TMEM273: variants seen among roughly 807,000 people sequenced by gnomAD.
The protein encoded by TMEM273 is chromosome 10 open reading frame 128.
A neutral mutation model predicts 17.9 loss-of-function variants in TMEM273; 19 were observed. That is an observed-to-expected ratio of 1.06 (90% CI 0.74 to 1.55). TMEM273 has a LOEUF of 1.55. TMEM273 is among the 40% of genes most tolerant of loss of function. TMEM273 has a pLI of 0.00. For synonymous variants in TMEM273, 66 were observed against 62.0 expected, an observed-to-expected ratio of 1.07 and a Z score of -0.31; for missense variants, 194 against 155.6, an observed-to-expected ratio of 1.25 and a Z score of -1.31.
At chr10:49,161,420 C>T in intron 6 of TMEM273, 179 bp downstream of exon 6, 1 of 704,908 alleles carries the variant, frequency 1.4e-6, no homozygotes, top group South Asian at 1.7e-5. Context: ...CATCATGTCC[C>T]AAGGTGATGC....
intron 6 of TMEM273, chr10:49,161,236 G>C (rs1845821125): frequency 3.6e-6 from 1 of 278,924 alleles, no homozygotes; most frequent in African/African-American, 2.2e-5. Context: ...GACATGAAGA[G>C]ATGTTTGGGA....
At chr10:49,172,250 T>C (rs1405196325) in intron 1 of TMEM273, among the ~76,000 whole-genome samples, 2 of 152,032 alleles carry the variant, frequency 1.3e-5, no homozygotes, top group Non-Finnish European at 2.9e-5. Context: ...CCCCAGTGCC[T>C]AGGAGAAATC....
At chr10:49,159,900 C>T (rs1404564012) in intron 6 of TMEM273, among the ~76,000 whole-genome samples, 1 of 152,074 alleles carries the variant, frequency 6.6e-6, no homozygotes, top group African/African-American at 2.4e-5. Flanking sequence ...CAAGAAGTGA[C>T]TTGCACTAGC....
chr10:49,172,265 A>G (rs1250489513), intron 1 of TMEM273, among the ~76,000 whole-genome samples: 1 of 152,168 alleles, frequency 6.6e-6, no homozygotes, highest in Non-Finnish European at 1.5e-5. Context: ...GAAATCAAAG[A>G]GCAACCAGAG....
At position 49,166,932 on chromosome 10, in the gene TMEM273, T is replaced by A. The variant is rs1276888213; in HGVS notation, c.175A>T (p.Ile59Phe). Reference sequence around the variant, plus strand: ...TCGTCGTCAAATAAGTGCCTCCTGATCATGCAGATCTTCAGGGCCAGGAAG... The same window carrying A: ...TCGTCGTCAAATAAGTGCCTCCTGAACATGCAGATCTTCAGGGCCAGGAAG... Reference protein sequence around the residue: ...AGFLALKICMIRRHLFDDDSS... With the variant: ...AGFLALKICMFRRHLFDDDSS... The change falls in exon 3 of 7, where the codon ATC becomes TTC. Residue 59 changes from isoleucine (I) to phenylalanine (F), a missense_variant. Ile to Phe is a conservative substitution (Grantham distance 21). Transcript: ENST00000374153. The A allele has an allele frequency of 1.2e-6, 2 of 1,614,062 alleles. No homozygotes were observed. Among genetic ancestry groups the A allele is most frequent in the African/African-American group, 1.3e-5 (1 of 74,996 alleles).
chr10:49,173,812 G>A (rs1846749154), intron 1 of TMEM273, among the ~76,000 whole-genome samples: 1 of 152,210 alleles, frequency 6.6e-6, no homozygotes, highest in Non-Finnish European at 1.5e-5. Context: ...TGTAAGTACT[G>A]AGTGGTACGG....
intron 1 of TMEM273, among the ~76,000 whole-genome samples, chr10:49,177,743 G>T (rs1847078973): frequency 6.6e-6 from 1 of 152,214 alleles, no homozygotes. Flanking sequence ...TTTTCTTTAG[G>T]ACTCTAGGGT....
chr10:49,165,897 C>T (rs1346384192), intron 3 of TMEM273, 101 bp from the exon 4 acceptor site: 15 of 1,501,334 alleles, frequency 1.0e-5, no homozygotes, highest in Middle Eastern at 1.8e-4. Context: ...CTCTCACTCA[C>T]GGTTGCCCTC....
At chr10:49,161,720 C>A in intron 5 of TMEM273, 98 bp from the exon 6 acceptor site, 1 of 1,513,398 alleles carries the variant, frequency 6.6e-7, no homozygotes, top group South Asian at 1.1e-5. Context: ...TTGTCATTAG[C>A]TTGCTCTTTT....
chr10:49,182,315 C>T (rs1466022808), intron 1 of TMEM273, among the ~76,000 whole-genome samples: 1 of 151,966 alleles, frequency 6.6e-6, no homozygotes, highest in Non-Finnish European at 1.5e-5. Context: ...GACTCAGACC[C>T]AAGGAATAAA....
intron 1 of TMEM273, among the ~76,000 whole-genome samples, chr10:49,186,469 C>T (rs1044026150): frequency 6.6e-6 from 1 of 152,212 alleles, no homozygotes; most frequent in African/African-American, 2.4e-5. Flanking sequence ...CTTACATTGA[C>T]ACCCAGATTT....
chr10:49,186,855 A>C (rs947129878), intron 1 of TMEM273, among the ~76,000 whole-genome samples: 6 of 152,214 alleles, frequency 3.9e-5, no homozygotes, highest in Admixed American at 1.3e-4. Context: ...CACCTATTGC[A>C]CAGAGTTGCT....
At chr10:49,187,318 T>C (rs1266239602) in intron 1 of TMEM273, among the ~76,000 whole-genome samples, 1 of 152,148 alleles carries the variant, frequency 6.6e-6, no homozygotes, top group Admixed American at 6.5e-5. Flanking sequence ...AAGGCCAAAG[T>C]CTTTGCTCTC....
At chr10:49,168,673 A>AAAGGAAGGAAGGAAGG (rs1239851736) in intron 1 of TMEM273, among the ~76,000 whole-genome samples, 1 of 118,848 alleles carries the variant, frequency 8.4e-6, no homozygotes, top group Non-Finnish European at 1.7e-5. Flanking sequence ...AGGAAGGAAG[A>AAAGGAAGGAAGGAAGG]AAGGAAGGAA....
chr10:49,154,981 G>A lies in TMEM273; in HGVS notation c.*911C>T, dbSNP rs561079126. ...GAGAGATTTCCTGGAAAGTGGAAAG[G>A]CAAAGAATATTCCGTGATGTGATCC... On this transcript the variant is annotated 3_prime_UTR_variant, in exon 7 of 7. Transcript: ENST00000374153. 6.6e-6 allele frequency: 1 copy of A among 152,296 alleles called. No homozygotes were observed. The highest frequency in any genetic ancestry group is 6.5e-5 in the Admixed American group (1 of 15,294). The allele number at this position is 152,296 out of a possible 1,614,324, so 9.4% of individuals were successfully genotyped here. A position where few individuals can be genotyped will look rare whatever the true frequency, so the allele number is the denominator to read the frequency against.
At chr10:49,178,171 T>C (rs1564642353) in intron 1 of TMEM273, 1 of 457,328 alleles carries the variant, frequency 2.2e-6, no homozygotes, top group Non-Finnish European at 4.4e-6. Flanking sequence ...CCCTCCTCTT[T>C]TGCTGGCCCA....
rs114225837 is a variant in TMEM273, at chr10:49,170,158, C to T, written c.44-2196G>A. 2.7e-3 allele frequency among the ~76,000 whole-genome samples: 414 copies of T among 152,352 alleles called. 7 individuals are homozygous for T. Among genetic ancestry groups the T allele is most frequent in the African/African-American group, 9.6e-3 (401 of 41,586 alleles). ...CTCAGGTTAGAAAGGGTGAGAAAGA[C>T]ATAGGTACACACAGAGACACTCAAG... On this transcript the variant is annotated intron_variant, in intron 1 of 6. Transcript: ENST00000374153.
At chr10:49,175,956 C>A (rs1200266280) in intron 1 of TMEM273, among the ~76,000 whole-genome samples, 1 of 152,204 alleles carries the variant, frequency 6.6e-6, no homozygotes, top group Non-Finnish European at 1.5e-5. Flanking sequence ...CACCTTTGAG[C>A]CTCTCTGTGG....
chr10:49,176,866 C>T (rs781097305), intron 1 of TMEM273, among the ~76,000 whole-genome samples: 14 of 152,234 alleles, frequency 9.2e-5, no homozygotes, highest in Non-Finnish European at 1.9e-4. Context: ...CTCTAGTTAG[C>T]TTTTTAAGAC....
Sources: allele counts gnomAD v4.1 joint callset (sites outside exome capture counted in the v4.1 genomes callset), GRCh38; gene constraint gnomAD v4.1.1; transcripts MANE v1.5; gene names NCBI Gene and HGNC (gene_info 2026-07-23, HGNC 2026-07-21).